Variants in HHAT observed in about 807,000 individuals in gnomAD.
HHAT encodes protein-cysteine N-palmitoyltransferase HHAT.
HHAT carries 47 observed loss-of-function variants against 70.8 expected under a neutral mutation model. The observed-to-expected ratio is 0.66, with a 90% CI of 0.53 to 0.85. HHAT has a LOEUF of 0.85. Ranked by LOEUF, HHAT falls within the 40% of genes least tolerant of loss-of-function variation. HHAT has a pLI of 0.00. For synonymous variants in HHAT, 228 were observed against 247.6 expected (o/e 0.92, Z 0.74); for missense variants, 609 against 604.8 (o/e 1.01, Z -0.07).
intron 10 of HHAT, among the ~76,000 whole-genome samples, chr1:210,591,382 C>T (rs1558230341): frequency 6.6e-6 from 1 of 152,102 alleles, no homozygotes. Context: ...GATAGGCCCT[C>T]ATCCTTTTTT....
At chr1:210,639,951 G>A (rs1672661556) in intron 11 of HHAT, among the ~76,000 whole-genome samples, 1 of 152,160 alleles carries the variant, frequency 6.6e-6, no homozygotes, top group South Asian at 2.1e-4. Context: ...AGTGTTTTAA[G>A]GAGCACCCCT....
chr1:210,564,444 C>CA (rs2095651450), intron 9 of HHAT, among the ~76,000 whole-genome samples: 1 of 152,042 alleles, frequency 6.6e-6, no homozygotes, highest in African/African-American at 2.4e-5. Context: ...GCCACAGAAG[C>CA]AAAAATGTGA....
Position 210,494,603 on chromosome 1 carries a change from G to A in HHAT, c.1008-18550G>A, listed in dbSNP as rs146891182. Among the ~76,000 whole-genome samples the A allele has an allele frequency of 3.1e-3, 398 of 128,560 alleles. 2 individuals are homozygous for A. Among genetic ancestry groups the A allele is most frequent in the African/African-American group, 0.011 (382 of 35,844 alleles). The allele number at this position is 128,560 out of a possible 152,430, so 84.3% of individuals were successfully genotyped here. ...GTTTGCTCTTTTTTCCCAGGCTGGA[G>A]TGCAATGGTGCAGTCTTGGCTCACT... On this transcript the variant is annotated intron_variant, in intron 8 of 11. Transcript: ENST00000261458.
chr1:210,361,522 T>C (rs2088314136), intron 2 of HHAT, among the ~76,000 whole-genome samples: 3 of 151,796 alleles, frequency 2.0e-5, no homozygotes, highest in Admixed American at 2.0e-4. Flanking sequence ...ATGTTGCCTG[T>C]GGTCTGACGC....
intron 6 of HHAT, among the ~76,000 whole-genome samples, chr1:210,405,617 C>G (rs895975980): frequency 6.6e-6 from 1 of 152,034 alleles, no homozygotes; most frequent in African/African-American, 2.4e-5. Context: ...GAAAGTTGCT[C>G]CCTGAAAAAG....
intron 7 of HHAT, among the ~76,000 whole-genome samples, chr1:210,434,146 G>A (rs115741389): frequency 0.013 from 1,909 of 151,990 alleles, 88 homozygotes; most frequent in African/African-American, 0.042. Flanking sequence ...TTGAAGAGAG[G>A]CCAATAAGAG....
chr1:210,375,357 C>A (rs1036579710), intron 3 of HHAT, among the ~76,000 whole-genome samples: 3 of 152,134 alleles, frequency 2.0e-5, no homozygotes, highest in Non-Finnish European at 4.4e-5. Flanking sequence ...TTTTATCATT[C>A]TGCAATGACC....
At chr1:210,538,600 A>T (rs1229196316) in intron 9 of HHAT, among the ~76,000 whole-genome samples, 1 of 152,220 alleles carries the variant, frequency 6.6e-6, no homozygotes, top group Non-Finnish European at 1.5e-5. Context: ...TACTCCTATG[A>T]GGAAGACAGT....
At chr1:210,600,357 G>T (rs1663959450) in intron 10 of HHAT, among the ~76,000 whole-genome samples, 1 of 152,156 alleles carries the variant, frequency 6.6e-6, no homozygotes, top group South Asian at 2.1e-4. Context: ...GCAACATGAA[G>T]AATATAGATT....
At position 210,642,852 on chromosome 1, in the gene HHAT, C is replaced by T. The variant is rs116591053; in HGVS notation, c.1390+19182C>T. Among the ~76,000 whole-genome samples the T allele has an allele frequency of 3.6e-3, 544 of 152,174 alleles. 2 individuals are homozygous for T. The highest frequency in any genetic ancestry group is 0.012 in the African/African-American group (508 of 41,524). ...GGGACAAGGTTTTTACTTTTCAAGTCCTATTTATCAGTGAGTTCCTTCATT... is the reference window on the plus strand; with the variant it reads ...GGGACAAGGTTTTTACTTTTCAAGTTCTATTTATCAGTGAGTTCCTTCATT... On this transcript the variant is annotated intron_variant, in intron 11 of 11. Coordinates refer to ENST00000261458, the MANE Select transcript of HHAT (RefSeq NM_018194.6).
chr1:210,456,435 G>A (rs187595293), intron 7 of HHAT, among the ~76,000 whole-genome samples: 2 of 152,270 alleles, frequency 1.3e-5, no homozygotes, highest in Admixed American at 1.3e-4. Flanking sequence ...GGGTTCCTGG[G>A]ACCACCCCCT....
rs1357098899 is a variant in HHAT, at chr1:210,439,376, C to T, written c.856+21051C>T. ...ACTTCCCAAAGAATTTCTGGCATCT[C>T]AGCCCCATACATATGGGCAGCTGTG... On this transcript the variant is annotated intron_variant, in intron 7 of 11. Transcript: ENST00000261458. 2.0e-5 allele frequency among the ~76,000 whole-genome samples: 3 copies of T among 151,916 alleles called. 1 individual carries two copies. The highest frequency in any genetic ancestry group is 7.3e-5 in the African/African-American group (3 of 41,206).
At chr1:210,566,086 T>A (rs142149662) in intron 9 of HHAT, among the ~76,000 whole-genome samples, 225 of 152,314 alleles carry the variant, frequency 1.5e-3, no homozygotes, top group Non-Finnish European at 2.8e-3. Flanking sequence ...GGATACTTTA[T>A]CTAGATCTGC....
intron 9 of HHAT, among the ~76,000 whole-genome samples, chr1:210,577,071 G>A (rs905958568): frequency 7.8e-6 from 1 of 127,970 alleles, no homozygotes; most frequent in South Asian, 2.5e-4. Flanking sequence ...TTTGTTTAAC[G>A]GGTTTTTTTT....
intron 10 of HHAT, among the ~76,000 whole-genome samples, chr1:210,618,735 C>T (rs1034791304): frequency 1.3e-5 from 2 of 152,182 alleles, no homozygotes; most frequent in Non-Finnish European, 2.9e-5. Context: ...TTTTGACCCA[C>T]GTTCCTGCAG....
At chr1:210,546,703 G>A (rs781053847) in intron 9 of HHAT, among the ~76,000 whole-genome samples, 5 of 152,194 alleles carry the variant, frequency 3.3e-5, no homozygotes, top group Non-Finnish European at 7.3e-5. Context: ...GCAGCTGGTG[G>A]TGGTGAGGAT....
intron 11 of HHAT, among the ~76,000 whole-genome samples, chr1:210,652,257 C>G (rs578028780): frequency 6.6e-6 from 1 of 152,144 alleles, no homozygotes; most frequent in Non-Finnish European, 1.5e-5. Flanking sequence ...AAAACAAATT[C>G]TTATCTCTAG....
intron 7 of HHAT, among the ~76,000 whole-genome samples, chr1:210,461,364 T>A (rs1396998637): frequency 6.6e-6 from 1 of 152,138 alleles, no homozygotes; most frequent in African/African-American, 2.4e-5. Context: ...AGTGGCATGA[T>A]CTTGGCTCGC....
intron 9 of HHAT, among the ~76,000 whole-genome samples, chr1:210,575,310 T>C (rs1657425086): frequency 6.6e-6 from 1 of 151,998 alleles, no homozygotes; most frequent in Non-Finnish European, 1.5e-5. Flanking sequence ...AGGAGAAAGG[T>C]GGGAAGACAG....
Sources: gnomAD v4.1 joint callset for allele counts (sites outside exome capture counted in the v4.1 genomes callset) on GRCh38, gnomAD v4.1.1 for gene constraint, MANE v1.5 for transcripts, NCBI Gene and HGNC (gene_info 2026-07-23, HGNC 2026-07-21) for gene names.